CYP7B1: variants seen among roughly 807,000 people sequenced by gnomAD.
CYP7B1 encodes the protein cytochrome P450 7B1.
In CYP7B1, 29 loss-of-function variants were observed where a neutral mutation model predicts 42.7. The ratio of observed to expected loss-of-function variants is 0.68; its 90% CI spans 0.51 to 0.93. CYP7B1 has a LOEUF of 0.93. CYP7B1 is among the 40% of genes least tolerant of loss of function. The probability of loss-of-function intolerance (pLI) is 0.00; values close to 1 mark genes in which losing one functional copy is unlikely to be tolerated. For synonymous variants in CYP7B1, 235 were observed against 218.2 expected, an observed-to-expected ratio of 1.08 and a Z score of -0.68; for missense variants, 655 against 600.5, an observed-to-expected ratio of 1.09 and a Z score of -0.95.
intron 1 of CYP7B1, among the ~76,000 whole-genome samples, chr8:64,692,839 G>T (rs998560905): frequency 2.0e-5 from 3 of 152,166 alleles, no homozygotes; most frequent in Non-Finnish European, 4.4e-5. Flanking sequence ...ATGAGGTTCT[G>T]TAATTCTTCC....
At chr8:64,606,364 C>T (rs1022714433) in intron 4 of CYP7B1, among the ~76,000 whole-genome samples, 3 of 152,246 alleles carry the variant, frequency 2.0e-5, no homozygotes, top group African/African-American at 4.8e-5. Context: ...CCATGTACTG[C>T]TGCCGGCTCT....
chr8:64,705,235 G>A (rs1020957370), intron 1 of CYP7B1, among the ~76,000 whole-genome samples: 1 of 151,610 alleles, frequency 6.6e-6, no homozygotes, highest in South Asian at 2.1e-4. Context: ...AAGGTGGGGG[G>A]GGGAATCACC....
intron 1 of CYP7B1, among the ~76,000 whole-genome samples, chr8:64,738,182 C>T (rs1454818148): frequency 6.6e-6 from 1 of 152,134 alleles, no homozygotes; most frequent in Non-Finnish European, 1.5e-5. Context: ...TGTAAAAATA[C>T]TTTTCTAACT....
chr8:64,602,580 C>T (rs1805219176), intron 5 of CYP7B1, among the ~76,000 whole-genome samples: 1 of 152,186 alleles, frequency 6.6e-6, no homozygotes, highest in Non-Finnish European at 1.5e-5. Flanking sequence ...TTTGGCCTAA[C>T]ACCTATTGCC....
chr8:64,743,222 C>A (rs936286171), intron 1 of CYP7B1, among the ~76,000 whole-genome samples: 1 of 152,130 alleles, frequency 6.6e-6, no homozygotes, highest in Non-Finnish European at 1.5e-5. Flanking sequence ...TGGACATTCA[C>A]AAAGATCTGT....
chr8:64,751,682 A>G (rs1451775194), intron 1 of CYP7B1, among the ~76,000 whole-genome samples: 1 of 152,172 alleles, frequency 6.6e-6, no homozygotes, highest in Non-Finnish European at 1.5e-5. Context: ...TGTCTTTCAG[A>G]AAAACTGAAG....
intron 1 of CYP7B1, among the ~76,000 whole-genome samples, chr8:64,782,657 A>G (rs1389918159): frequency 1.3e-5 from 2 of 152,182 alleles, no homozygotes; most frequent in East Asian, 1.9e-4. Context: ...TAACTTTTGA[A>G]TTGATTTTCT....
Position 64,593,670 on chromosome 8 carries a change from A to T in CYP7B1, c.*2972T>A, listed in dbSNP as rs1319502145. ...GTCTAAAGATTTTTCAGAGATAAAA[A>T]TCCAAGGAACATGGGCTCAGTAAAC... On this transcript the variant is annotated 3_prime_UTR_variant, in exon 6 of 6. Coordinates refer to ENST00000310193, the MANE Select transcript of CYP7B1 (RefSeq NM_004820.5). Among the ~76,000 whole-genome samples, 1 of 152,198 alleles carries T rather than the reference A, an allele frequency of 6.6e-6. No homozygotes were observed. The highest frequency in any genetic ancestry group is 1.5e-5 in the Non-Finnish European group (1 of 68,046).
chr8:64,793,060 T>C (rs2129727975), intron 1 of CYP7B1, among the ~76,000 whole-genome samples: 1 of 152,274 alleles, frequency 6.6e-6, no homozygotes, highest in African/African-American at 2.4e-5. Flanking sequence ...TGAATTTAAG[T>C]GGCACCTAGA....
chr8:64,791,496 G>C (rs1220970541), intron 1 of CYP7B1, among the ~76,000 whole-genome samples: 3 of 152,166 alleles, frequency 2.0e-5, no homozygotes. Flanking sequence ...GTAGGAGAGA[G>C]ATTTAGAGAT....
intron 1 of CYP7B1, among the ~76,000 whole-genome samples, chr8:64,754,115 T>C (rs950730021): frequency 5.9e-5 from 9 of 152,106 alleles, no homozygotes; most frequent in Admixed American, 2.0e-4. Flanking sequence ...GAGGCCAGTG[T>C]GATTGGTGCC....
intron 1 of CYP7B1, among the ~76,000 whole-genome samples, chr8:64,666,029 C>T (rs1257457109): frequency 6.6e-6 from 1 of 152,100 alleles, no homozygotes; most frequent in Non-Finnish European, 1.5e-5. Flanking sequence ...AATGCATGCA[C>T]TGAGAGAAAA....
intron 1 of CYP7B1, among the ~76,000 whole-genome samples, chr8:64,732,301 C>T (rs2129633096): frequency 6.6e-6 from 1 of 152,272 alleles, no homozygotes; most frequent in Admixed American, 6.5e-5. Flanking sequence ...AGCAGTGTGA[C>T]CTGGATGTGA....
chr8:64,766,674 T>C (rs1171657897), intron 1 of CYP7B1, among the ~76,000 whole-genome samples: 1 of 152,056 alleles, frequency 6.6e-6, no homozygotes, highest in Non-Finnish European at 1.5e-5. Flanking sequence ...CGAATAGAAA[T>C]AAGCCACCCC....
intron 1 of CYP7B1, among the ~76,000 whole-genome samples, chr8:64,782,569 A>C (rs1295817494): frequency 6.6e-6 from 1 of 152,204 alleles, no homozygotes; most frequent in East Asian, 1.9e-4. Context: ...AAACAGACCA[A>C]GACAGTGCCC....
chr8:64,592,435 A>G lies in CYP7B1; in HGVS notation c.*4207T>C, dbSNP rs1805050817. ...TTTTAAAGAGATGAATTTATCACTT[A>G]CAACTGCATTTATAATAAATTAGTT... On this transcript the variant is annotated 3_prime_UTR_variant, in exon 6 of 6. Transcript: ENST00000310193. Among the ~76,000 whole-genome samples the G allele has an allele frequency of 6.6e-6, 1 of 152,248 alleles. No homozygotes were observed. The highest frequency in any genetic ancestry group is 1.5e-5 in the Non-Finnish European group (1 of 68,048).
At chr8:64,624,280 CT>C in intron 2 of CYP7B1, 122 bp downstream of exon 2, 1 of 922,516 alleles carries the variant, frequency 1.1e-6, no homozygotes, top group Non-Finnish European at 1.6e-6. Flanking sequence ...TTCACATTAG[CT>C]CTACAAAATA....
chr8:64,625,286 G>A (rs1248856947), intron 1 of CYP7B1, among the ~76,000 whole-genome samples: 1 of 152,138 alleles, frequency 6.6e-6, no homozygotes, highest in Non-Finnish European at 1.5e-5. Context: ...TATATCATTC[G>A]TACGCCTTTG....
At chr8:64,699,123 T>C (rs1272060416) in intron 1 of CYP7B1, among the ~76,000 whole-genome samples, 2 of 152,120 alleles carry the variant, frequency 1.3e-5, no homozygotes, top group African/African-American at 4.8e-5. Flanking sequence ...CCTGGAGAAA[T>C]ATACACTGCT....
Sources: allele counts gnomAD v4.1 joint callset (sites outside exome capture counted in the v4.1 genomes callset), GRCh38; gene constraint gnomAD v4.1.1; transcripts MANE v1.5; gene names NCBI Gene and HGNC (gene_info 2026-07-23, HGNC 2026-07-21).